HCCS: variants seen among roughly 807,000 people sequenced by gnomAD.
HCCS encodes the protein holocytochrome c synthase.
In HCCS, 2 loss-of-function variants were observed where a neutral mutation model predicts 24.2. The ratio of observed to expected loss-of-function variants is 0.08; its 90% CI spans 0.03 to 0.26. The LOEUF (loss-of-function observed/expected upper bound fraction) is 0.26. Among genes scored for constraint, HCCS ranks in the 10% least tolerant of loss-of-function variants. The probability of loss-of-function intolerance (pLI) is 1.00; values close to 1 mark genes in which losing one functional copy is unlikely to be tolerated. For synonymous variants in HCCS, 73 were observed against 76.2 expected (o/e 0.96, Z 0.22); for missense variants, 150 against 213.3 (o/e 0.70, Z 1.85).
At position 11,112,038 on chromosome X, in the gene HCCS, T is replaced by C. The variant is rs761700996; in HGVS notation, c.-23T>C. Reference sequence around the variant, plus strand: ...TGGCAGGTGGAAATTTAAAATTGTTTACAGTCAACACTGTTTCCAGCCATG... The same window carrying C: ...TGGCAGGTGGAAATTTAAAATTGTTCACAGTCAACACTGTTTCCAGCCATG... On this transcript the variant is annotated 5_prime_UTR_variant, in exon 2 of 7. Coordinates refer to ENST00000380762, the MANE Select transcript of HCCS (RefSeq NM_005333.5). 15 of 1,121,273 alleles carry C rather than the reference T, an allele frequency of 1.3e-5. No homozygotes were observed. The Admixed American group carries it at 3.3e-4, about 24-fold the overall frequency. The allele number at this position is 1,121,273 out of a possible 1,213,427, so 92.4% of individuals were successfully genotyped here. A position where few individuals can be genotyped will look rare whatever the true frequency, so the allele number is the denominator to read the frequency against.
rs758677010 is a variant in HCCS at position 11,121,806 on chromosome X, C to T, written c.803C>T (p.Ser268Leu). 1.4e-5 allele frequency: 17 copies of T among 1,193,953 alleles called. No individual in the cohort carries two copies. Among genetic ancestry groups the T allele is most frequent in the South Asian group, 1.8e-5 (1 of 56,468 alleles). The change falls in exon 7 of 7, where the codon TCG becomes TTG. Residue 268 changes from serine to leucine, a missense_variant. Physicochemically the swap from Ser to Leu is moderately radical, Grantham distance 145 (BLOSUM62 -2). Around this residue, in one of 2 missense-constraint regions of HCCS, gnomAD observed 55 missense variants for 134.2 expected, o/e 0.41. Transcript: ENST00000380762. ...AAAGTCGCTTGGTGGCGTTGGACCT[C>T]GTAAAGCACTGTTTCAGATGGAAAA... ...RMKVAWWRWT[S>L]
At chrX:11,116,329 C>G (rs1286602855) in intron 3 of HCCS, 1 of 112,104 alleles carries the variant, frequency 8.9e-6, no homozygotes, top group Non-Finnish European at 1.9e-5. Flanking sequence ...AGGAGTCATT[C>G]ATCCCACATC....
intron 5 of HCCS, among the ~76,000 whole-genome samples, chrX:11,119,298 A>G (rs2045473244): frequency 8.9e-6 from 1 of 112,157 alleles, no homozygotes; most frequent in African/African-American, 3.2e-5. Context: ...GTCTTAACTC[A>G]GAGCTCTTTT....
intron 1 of HCCS, 145 bp from the exon 2 acceptor site, chrX:11,111,874 T>C: frequency 2.1e-6 from 1 of 471,346 alleles, no homozygotes; most frequent in Middle Eastern, 5.5e-4. Context: ...GGGGGCAATA[T>C]ATTAAAGCTG....
chrX:11,113,480 G>A (rs907899215), intron 2 of HCCS, among the ~76,000 whole-genome samples: 3 of 112,264 alleles, frequency 2.7e-5, no homozygotes, highest in Non-Finnish European at 5.6e-5. Context: ...AAGTGGCAAA[G>A]CCAGCAAAAG....
In HCCS at chrX:11,114,973, A is replaced by G. The variant is rs2045437971; in HGVS notation, c.239A>G (p.Asp80Gly). ...GCGGCTGAGAATAAGGAGAACCTAG[A>G]TCCTTCAAATCTGGTAATCCACACT... is the stretch of plus-strand genomic sequence containing the variant. The part of the protein sequence containing the change: ...GTAAENKENL[D>G]PSNLMPPPNQ... Residue 80 changes from aspartate to glycine, a missense_variant, in exon 3 of 7, where the codon GAT (aspartate) becomes GGT (glycine). Coordinates refer to ENST00000380762, the MANE Select transcript of HCCS (RefSeq NM_005333.5). The G allele has an allele frequency of 1.7e-6, 2 of 1,206,994 alleles. No individual in the cohort carries two copies. The highest frequency in any genetic ancestry group is 1.7e-5 in the African/African-American group (1 of 57,186).
In HCCS at chrX:11,122,088, T is replaced by C; in HGVS notation, c.*278T>C. On this transcript the variant is annotated 3_prime_UTR_variant, in exon 7 of 7. Transcript: ENST00000380762. The stretch of plus-strand genomic sequence containing the variant: ...CCTGCAGTATTGTCTGTATATTTCA[T>C]CTCGAAAAGCCTGAACAACCTCTGA... 1 of 293,259 alleles carries C rather than the reference T, an allele frequency of 3.4e-6. No individual in the cohort carries two copies. The highest frequency in any genetic ancestry group is 7.4e-5 in the South Asian group (1 of 13,504). 24.2% of individuals were successfully genotyped at this position (293,259 alleles called of 1,213,427 possible).
intron 4 of HCCS, among the ~76,000 whole-genome samples, chrX:11,118,105 G>C (rs2045462533): frequency 8.9e-6 from 1 of 112,342 alleles, no homozygotes; most frequent in Non-Finnish European, 1.9e-5. Context: ...ATCACAGCTA[G>C]TAATAGGTTT....
Position 11,114,956 on chromosome X carries a change from G to T in HCCS, c.222G>T (p.Glu74Asp), listed in dbSNP as rs1430692829. The change falls in exon 3 of 7, where the codon GAG becomes GAT. Residue 74 changes from glutamate (E) to aspartate (D), a missense_variant. By Grantham distance (45) the Glu-to-Asp change is conservative. Around this residue, in one of 2 missense-constraint regions of HCCS, gnomAD observed 95 missense variants for 79.1 expected, o/e 1.20. Transcript: ENST00000380762. ...GTCCCATTAGGGGCACTGCGGCTGAGAATAAGGAGAACCTAGATCCTTCAA... is the reference window on the plus strand; with the variant it reads ...GTCCCATTAGGGGCACTGCGGCTGATAATAAGGAGAACCTAGATCCTTCAA... ...VECPIRGTAA[E>D]NKENLDPSNL... 8.3e-7 allele frequency: 1 copy of T among 1,209,417 alleles called. No individual in the cohort carries two copies. Among genetic ancestry groups the T allele is most frequent in the East Asian group, 3.0e-5 (1 of 33,828 alleles).
chrX:11,119,738 C>A (rs1318070834), intron 5 of HCCS, among the ~76,000 whole-genome samples: 1 of 112,255 alleles, frequency 8.9e-6, no homozygotes, highest in African/African-American at 3.2e-5. Context: ...CAACTGCAAC[C>A]GTGTTGCCCT....
At position 11,114,821 on chromosome X, in the gene HCCS, C is replaced by G. The variant is rs1204032880; in HGVS notation, c.101-14C>G. 29 of 1,203,385 alleles carry G rather than the reference C, an allele frequency of 2.4e-5. No individual in the cohort carries two copies. Among genetic ancestry groups the G allele is most frequent in the Non-Finnish European group, 3.3e-5 (29 of 889,519 alleles). ...CCTTCATGGTGACACCATTTTTATA[C>G]TTGATTATTTCAGGCTGTCCAGTGA... On this transcript the variant is annotated splice_polypyrimidine_tract_variant and intron_variant, in intron 2 of 6. Coordinates refer to ENST00000380762, the MANE Select transcript of HCCS (RefSeq NM_005333.5).
In HCCS at chrX:11,117,247, A is replaced by T; in HGVS notation, c.253-20A>T. On this transcript the variant is annotated intron_variant, in intron 3 of 6. Transcript: ENST00000380762. ...TTTTACTTTATATCCTATAAAAGCAAATCTGTTCATTTTATTTAGATGCCA... is the reference window on the plus strand; with the variant it reads ...TTTTACTTTATATCCTATAAAAGCATATCTGTTCATTTTATTTAGATGCCA... 8.3e-7 allele frequency: 1 copy of T among 1,202,239 alleles called. No individual in the cohort carries two copies. Among genetic ancestry groups the T allele is most frequent in the Non-Finnish European group, 1.1e-6 (1 of 886,799 alleles).
At chrX:11,117,480 G>C in intron 4 of HCCS, 65 bp downstream of exon 4, 2 of 978,804 alleles carry the variant, frequency 2.0e-6, no homozygotes, top group Non-Finnish European at 2.9e-6. Flanking sequence ...ATATGCTAAA[G>C]AGATTTTTTA....
intron 2 of HCCS, among the ~76,000 whole-genome samples, chrX:11,113,094 A>G (rs1252900654): frequency 1.8e-5 from 2 of 113,035 alleles, no homozygotes; most frequent in Non-Finnish European, 3.7e-5. Flanking sequence ...AAAATGGAAA[A>G]GCTGTCTTTC....
chrX:11,112,501 C>G (rs1455677996), intron 2 of HCCS, among the ~76,000 whole-genome samples: 1 of 111,822 alleles, frequency 8.9e-6, no homozygotes, highest in Non-Finnish European at 1.9e-5. Flanking sequence ...TGGAAAGCCT[C>G]TAAAGGAAGA....
intron 2 of HCCS, among the ~76,000 whole-genome samples, chrX:11,114,199 A>G (rs115978096): frequency 0.028 from 3,112 of 112,672 alleles, 106 homozygotes; most frequent in African/African-American, 0.094. Context: ...TTTTCCTGTT[A>G]AACTCTTGCC....
chrX:11,111,898 G>C (rs1396352229), intron 1 of HCCS, 121 bp from the exon 2 acceptor site: 8 of 495,593 alleles, frequency 1.6e-5, no homozygotes, highest in Non-Finnish European at 2.9e-5. Flanking sequence ...TTCGAAGTTA[G>C]TACCCTGCCT....
intron 2 of HCCS, among the ~76,000 whole-genome samples, chrX:11,113,218 G>A (rs903534977): frequency 1.8e-5 from 2 of 111,956 alleles, no homozygotes; most frequent in African/African-American, 3.3e-5. Flanking sequence ...TAATGTTTGC[G>A]CTGTTATTCA....
chrX:11,117,630 A>AG (rs2045458485), intron 4 of HCCS, among the ~76,000 whole-genome samples: 1 of 111,617 alleles, frequency 9.0e-6, no homozygotes, highest in South Asian at 3.7e-4. Flanking sequence ...GGATATGTGT[A>AG]GGGGGGCAGG....
Sources: gnomAD v4.1 joint callset for allele counts (sites outside exome capture counted in the v4.1 genomes callset) on GRCh38, gnomAD v4.1.1 for gene constraint, gnomAD v4.1.1 regional missense constraint, MANE v1.5 for transcripts, NCBI Gene and HGNC (gene_info 2026-07-23, HGNC 2026-07-21) for gene names.